The following KMT5B variants were observed in gnomAD, a reference collection of about 807,000 sequenced individuals.
KMT5B encodes the protein histone-lysine N-methyltransferase KMT5B.
Under a neutral mutation model 83.2 loss-of-function variants are expected in KMT5B, and 10 were observed. The observed-to-expected ratio is 0.12, with a 90% CI of 0.07 to 0.20. The LOEUF (loss-of-function observed/expected upper bound fraction) is 0.20, where lower values mean the gene tolerates loss of function less well. Ranked by LOEUF, KMT5B falls within the 10% of genes least tolerant of loss-of-function variation. The pLI, the probability that KMT5B is intolerant of heterozygous loss-of-function variation, is 1.00. For synonymous variants in KMT5B, 349 were observed against 388.8 expected (o/e 0.90, Z 1.20); for missense variants, 753 against 1,067.2 (o/e 0.71, Z 4.10).
chr11:68,204,904 A>C (rs2153087418), intron 1 of KMT5B, among the ~76,000 whole-genome samples: 1 of 152,208 alleles, frequency 6.6e-6, no homozygotes, highest in East Asian at 1.9e-4. Flanking sequence ...GGTGTGAGCC[A>C]CCGTGCCCAG....
Position 68,160,468 on chromosome 11 carries a change from T to C in KMT5B, c.1175-1297A>G, listed in dbSNP as rs552280769. On this transcript the variant is annotated intron_variant, in intron 10 of 10. Transcript: ENST00000304363. ...GAAGCCACGATAACAAAACGAATCA[T>C]CACCACCTCTCATCAGAACAGGGAG... is the stretch of plus-strand genomic sequence containing the variant. Among the ~76,000 whole-genome samples the C allele has an allele frequency of 9.2e-5, 14 of 152,266 alleles. No homozygotes were observed. In the East Asian group the frequency reaches 9.6e-4, roughly 10 times the overall value.
At chr11:68,169,673 C>G (rs1357628147) in intron 9 of KMT5B, among the ~76,000 whole-genome samples, 1 of 152,200 alleles carries the variant, frequency 6.6e-6, no homozygotes, top group South Asian at 2.1e-4. Context: ...GTGACTTACC[C>G]TACACATCAC....
At chr11:68,164,675 C>A (rs1385476182) in intron 10 of KMT5B, 1 of 514,538 alleles carries the variant, frequency 1.9e-6, no homozygotes, top group African/African-American at 1.9e-5. Context: ...TTGCTCCAAT[C>A]ATGCTGCAGA....
chr11:68,173,960 T>G, intron 5 of KMT5B, 47 bp from the exon 6 acceptor site: 1 of 1,260,206 alleles, frequency 7.9e-7, no homozygotes, highest in Non-Finnish European at 1.1e-6. Flanking sequence ...TGGTATACCC[T>G]GCTAGACTTT....
At chr11:68,200,045 C>T (rs965242079) in intron 1 of KMT5B, among the ~76,000 whole-genome samples, 2 of 152,142 alleles carry the variant, frequency 1.3e-5, no homozygotes, top group South Asian at 2.1e-4. Context: ...GAGATGCCCA[C>T]TACAGATCCA....
rs755199286 is a variant in KMT5B at position 68,190,063 on chromosome 11, C to T, written c.14G>A (p.Gly5Glu). The T allele has an allele frequency of 6.2e-6, 10 of 1,613,892 alleles. No homozygotes were observed. Among genetic ancestry groups the T allele is most frequent in the Non-Finnish European group, 8.5e-6 (10 of 1,179,874 alleles). Residue 5 changes from glycine to glutamate, a missense_variant, in exon 2 of 11, where the codon GGA becomes GAA. By Grantham distance (98) the Gly-to-Glu change is moderately conservative. Coordinates refer to ENST00000304363, the MANE Select transcript of KMT5B (RefSeq NM_017635.5). ...ATTCACCACCATGTTCTTGGATTCTCCCAACCACTTCATACCCACAGACAG... is the reference window on the plus strand; with the variant it reads ...ATTCACCACCATGTTCTTGGATTCTTCCAACCACTTCATACCCACAGACAG... MKWL[G>E]ESKNMVVNGR...
intron 1 of KMT5B, among the ~76,000 whole-genome samples, chr11:68,193,287 G>A (rs1858304091): frequency 6.6e-6 from 1 of 152,142 alleles, no homozygotes; most frequent in South Asian, 2.1e-4. Flanking sequence ...TACACCAGAC[G>A]CAGGTCAATT....
At chr11:68,197,030 G>A (rs2153079705) in intron 1 of KMT5B, among the ~76,000 whole-genome samples, 1 of 151,928 alleles carries the variant, frequency 6.6e-6, no homozygotes, top group East Asian at 1.9e-4. Flanking sequence ...GAGTGCAGTG[G>A]CCCAAACTCG....
At chr11:68,183,316 CAAAAA>C (rs938806708) in intron 3 of KMT5B, among the ~76,000 whole-genome samples, 3 of 148,600 alleles carry the variant, frequency 2.0e-5, no homozygotes, top group African/African-American at 5.0e-5. Flanking sequence ...GTTCAATGGG[CAAAAA>C]AAAAGAAAAG....
intron 9 of KMT5B, among the ~76,000 whole-genome samples, chr11:68,169,610 T>C (rs184083492): frequency 1.3e-5 from 2 of 152,328 alleles, no homozygotes; most frequent in Admixed American, 1.3e-4. Context: ...CAAAATAGGT[T>C]CTGATGTTAT....
intron 2 of KMT5B, among the ~76,000 whole-genome samples, chr11:68,188,198 G>A (rs976842085): frequency 6.6e-6 from 1 of 151,312 alleles, no homozygotes; most frequent in Admixed American, 6.6e-5. Flanking sequence ...CTGATTTTTT[G>A]TATTTTTAGT....
At chr11:68,165,969 C>T (rs1225792951) in intron 10 of KMT5B, 1 of 1,612,854 alleles carries the variant, frequency 6.2e-7, no homozygotes, top group African/African-American at 1.3e-5. Flanking sequence ...AGAGAGCACC[C>T]AGTGTTGGGC....
At chr11:68,194,400 C>T (rs1416028282) in intron 1 of KMT5B, among the ~76,000 whole-genome samples, 1 of 152,034 alleles carries the variant, frequency 6.6e-6, no homozygotes, top group Non-Finnish European at 1.5e-5. Context: ...ACCATGTTGG[C>T]CAGGCTAGTC....
rs189422904 is a variant in KMT5B at position 68,155,388 on chromosome 11, G to C, written c.*2300C>G. On this transcript the variant is annotated 3_prime_UTR_variant, in exon 11 of 11. Coordinates refer to ENST00000304363, the MANE Select transcript of KMT5B (RefSeq NM_017635.5). ...ATTTACTACCAAATGTCACTGCTTT[G>C]AGACCCATGGGAAGGTTGGCCTCCA... 6.6e-6 allele frequency: 1 copy of C among 152,280 alleles called. No individual in the cohort carries two copies. The highest frequency in any genetic ancestry group is 6.5e-5 in the Admixed American group (1 of 15,298). 9.4% of individuals were successfully genotyped at this position (152,280 alleles called of 1,614,324 possible). A position where few individuals can be genotyped will look rare whatever the true frequency, so the allele number is the denominator to read the frequency against.
intron 9 of KMT5B, 32 bp from the exon 10 acceptor site, chr11:68,167,210 T>C (rs1459610307): frequency 6.4e-7 from 1 of 1,567,066 alleles, no homozygotes; most frequent in Non-Finnish European, 8.7e-7. Flanking sequence ...GTTAAACAAA[T>C]AGAACACACT....
At position 68,179,063 on chromosome 11, in the gene KMT5B, G is replaced by A. The variant is rs577705463; in HGVS notation, c.377+1069C>T. 3.3e-5 allele frequency among the ~76,000 whole-genome samples: 5 copies of A among 152,230 alleles called. No homozygotes were observed. The South Asian group carries it at 6.2e-4, about 19-fold the overall frequency. On this transcript the variant is annotated intron_variant, in intron 4 of 10. Transcript: ENST00000304363. ...CTTTCTGGTTCCTGTTATATCACCTGGCTCAGGAGAGCCTTCCTCACATTG... is the reference window on the plus strand; with the variant it reads ...CTTTCTGGTTCCTGTTATATCACCTAGCTCAGGAGAGCCTTCCTCACATTG...
chr11:68,191,929 G>A (rs369183360), intron 1 of KMT5B, among the ~76,000 whole-genome samples: 1 of 152,148 alleles, frequency 6.6e-6, no homozygotes, highest in Non-Finnish European at 1.5e-5. Flanking sequence ...CCCTTCACAG[G>A]TGTACCATTT....
intron 4 of KMT5B, among the ~76,000 whole-genome samples, chr11:68,176,988 G>A (rs1856450330): frequency 6.6e-6 from 1 of 152,126 alleles, no homozygotes; most frequent in Non-Finnish European, 1.5e-5. Context: ...GAAGCATTCA[G>A]CAGAATTTTT....
chr11:68,208,657 A>G (rs1482401375), intron 1 of KMT5B, among the ~76,000 whole-genome samples: 3 of 152,150 alleles, frequency 2.0e-5, no homozygotes, highest in East Asian at 3.9e-4. Context: ...TGGACTTGAG[A>G]TGGGATGATC....
Sources: gnomAD v4.1 joint callset for allele counts (sites outside exome capture counted in the v4.1 genomes callset) on GRCh38, gnomAD v4.1.1 for gene constraint, MANE v1.5 for transcripts, NCBI Gene and HGNC (gene_info 2026-07-23, HGNC 2026-07-21) for gene names.